Variants in DNAJC16 observed in about 807,000 individuals in gnomAD.
DNAJC16 encodes dnaJ homolog subfamily C member 16.
In DNAJC16, 76 loss-of-function variants were observed where a neutral mutation model predicts 92.7. The ratio of observed to expected loss-of-function variants is 0.82; its 90% CI spans 0.68 to 0.99. The LOEUF (loss-of-function observed/expected upper bound fraction) is 0.99, where lower values mean the gene tolerates loss of function less well. DNAJC16 is among the 50% of genes least tolerant of loss of function. The pLI, the probability that DNAJC16 is intolerant of heterozygous loss-of-function variation, is 0.00. For synonymous variants in DNAJC16, 328 were observed against 358.7 expected, an observed-to-expected ratio of 0.91 and a Z score of 0.97; for missense variants, 869 against 942.4, an observed-to-expected ratio of 0.92 and a Z score of 1.02.
intron 14 of DNAJC16, 44 bp from the exon 15 acceptor site, chr1:15,567,734 G>A (rs1237854265): frequency 1.9e-6 from 3 of 1,556,830 alleles, no homozygotes; most frequent in Admixed American, 3.9e-5. Flanking sequence ...GCAATTAAAT[G>A]TGTCAGGAAA....
intron 5 of DNAJC16, among the ~76,000 whole-genome samples, chr1:15,546,122 T>C (rs59502343): frequency 0.28 from 42,142 of 151,850 alleles, 6,717 homozygotes; most frequent in African/African-American, 0.43. Flanking sequence ...CTGGGCAACA[T>C]ACTGAGACCC....
chr1:15,529,545 A>C (rs1470527543), intron 2 of DNAJC16, among the ~76,000 whole-genome samples: 4 of 152,216 alleles, frequency 2.6e-5, no homozygotes, highest in African/African-American at 9.7e-5. Flanking sequence ...TTAAAGTAAC[A>C]AGTTTTAATT....
At position 15,548,544 on chromosome 1, in the gene DNAJC16, C is replaced by T. The variant is rs543803888; in HGVS notation, c.1023+116C>T. The T allele has an allele frequency of 4.8e-5, 49 of 1,023,180 alleles. No individual in the cohort carries two copies. The African/African-American group carries it at 5.7e-4, about 12-fold the overall frequency. The allele number at this position is 1,023,180 out of a possible 1,614,324, so 63.4% of individuals were successfully genotyped here. ...AGGAAAGGATCTTCCTTCAGATGCACAAAATTTTTTAATGAATTTTTTTAT... is the reference window on the plus strand; with the variant it reads ...AGGAAAGGATCTTCCTTCAGATGCATAAAATTTTTTAATGAATTTTTTTAT... On this transcript the variant is annotated intron_variant, in intron 7 of 14. Transcript: ENST00000375847.
rs568602677 is a variant in DNAJC16 at position 15,533,636 on chromosome 1, C to CA, written c.168-594dup. Among the ~76,000 whole-genome samples, 92 of 147,954 alleles carry CA rather than the reference C, an allele frequency of 6.2e-4. 1 individual carries two copies. Among genetic ancestry groups the CA allele is most frequent in the East Asian group, 5.4e-3 (28 of 5,152 alleles). ...GAGTGAGACCCTGTCTCAAAAAAAACAAAAAAACAAAAAAAACAGTGGCCT... is the reference window on the plus strand; with the variant it reads ...GAGTGAGACCCTGTCTCAAAAAAAACAAAAAAAACAAAAAAAACAGTGGCCT... On this transcript the variant is annotated intron_variant, in intron 2 of 14. Coordinates refer to ENST00000375847, the MANE Select transcript of DNAJC16 (RefSeq NM_015291.4).
chr1:15,545,216 G>A lies in DNAJC16; in HGVS notation c.759+633G>A, dbSNP rs982068182. Among the ~76,000 whole-genome samples, 10 of 151,858 alleles carry A rather than the reference G, an allele frequency of 6.6e-5. No homozygotes were observed. In the East Asian group the frequency reaches 1.7e-3, roughly 26 times the overall value. The stretch of plus-strand genomic sequence containing the variant: ...TTTAGGGATCAAAGTAACTAGGAAC[G>A]GACTCTCATTTTGCTTTAAATAATT... On this transcript the variant is annotated intron_variant, in intron 5 of 14. Transcript: ENST00000375847.
At chr1:15,544,725 T>G (rs1191683535) in intron 5 of DNAJC16, 142 bp downstream of exon 5, 5 of 766,360 alleles carry the variant, frequency 6.5e-6, no homozygotes, top group Non-Finnish European at 1.0e-5. Flanking sequence ...ATTAATTAAT[T>G]ACTCAAACTA....
At chr1:15,562,446 A>G in intron 9 of DNAJC16, 121 bp downstream of exon 9, 1 of 1,056,328 alleles carries the variant, frequency 9.5e-7, no homozygotes, top group Non-Finnish European at 1.3e-6. Context: ...TCTGAAGCCT[A>G]TTTTCAAAGT....
At chr1:15,567,436 CTT>C (rs929924109) in intron 14 of DNAJC16, among the ~76,000 whole-genome samples, 167 bp downstream of exon 14, 2 of 152,188 alleles carry the variant, frequency 1.3e-5, no homozygotes, top group Admixed American at 6.5e-5. Flanking sequence ...ACAGGGACCT[CTT>C]TTCCCACTTC....
At chr1:15,531,519 C>A (rs1026346342) in intron 2 of DNAJC16, among the ~76,000 whole-genome samples, 1 of 152,136 alleles carries the variant, frequency 6.6e-6, no homozygotes, top group Non-Finnish European at 1.5e-5. Context: ...CATAAGGTAA[C>A]AACATTCTTT....
Position 15,568,923 on chromosome 1 carries a change from A to G in DNAJC16, c.*746A>G. On this transcript the variant is annotated 3_prime_UTR_variant, in exon 15 of 15. Coordinates refer to ENST00000375847, the MANE Select transcript of DNAJC16 (RefSeq NM_015291.4). ...CCCCAGCGCTGCTGGTAGCCAGGGG[A>G]GGGGTCTGCACAGCGAGAAGTACTG... 1 of 386,424 alleles carries G rather than the reference A, an allele frequency of 2.6e-6. No individual in the cohort carries two copies. Among genetic ancestry groups the G allele is most frequent in the East Asian group, 3.7e-5 (1 of 27,258 alleles). The allele number at this position is 386,424 out of a possible 1,614,324, so 23.9% of individuals were successfully genotyped here. A position where few individuals can be genotyped will look rare whatever the true frequency, so the allele number is the denominator to read the frequency against.
intron 4 of DNAJC16, among the ~76,000 whole-genome samples, chr1:15,541,566 C>G (rs1349190125): frequency 6.6e-6 from 1 of 152,164 alleles, no homozygotes; most frequent in Non-Finnish European, 1.5e-5. Context: ...AGTCAGGTAG[C>G]CTACAGAGAG....
At chr1:15,562,048 T>G in intron 8 of DNAJC16, 94 bp from the exon 9 acceptor site, 15 of 1,300,686 alleles carry the variant, frequency 1.2e-5, no homozygotes, top group Non-Finnish European at 1.5e-5. Flanking sequence ...TTCCATAAGA[T>G]GAGCTCCTCG....
At position 15,544,151 on chromosome 1, in the gene DNAJC16, TACACACACACAC is replaced by T. The variant is rs148744006; in HGVS notation, c.575-224_575-213del. Among the ~76,000 whole-genome samples the T allele has an allele frequency of 1.6e-4, 22 of 137,284 alleles. No homozygotes were observed. In the South Asian group the frequency reaches 3.8e-3, roughly 24 times the overall value. 90.1% of individuals were successfully genotyped at this position (137,284 alleles called of 152,430 possible). A position where few individuals can be genotyped will look rare whatever the true frequency, so the allele number is the denominator to read the frequency against. On this transcript the variant is annotated intron_variant, in intron 4 of 14. Transcript: ENST00000375847. Reference sequence around the variant, plus strand: ...CCCCATTTTGTTTTATGTATATGCATACACACACACACACACACACACACACACACACACATT... The same window carrying T: ...CCCCATTTTGTTTTATGTATATGCATACACACACACACACACACACACATT...
At position 15,567,387 on chromosome 1, in the gene DNAJC16, G is replaced by A. The variant is rs948161574; in HGVS notation, c.1949+118G>A. 4 of 1,061,294 alleles carry A rather than the reference G, an allele frequency of 3.8e-6. No individual in the cohort carries two copies. The Admixed American group carries it at 9.6e-5, about 25-fold the overall frequency. The allele number at this position is 1,061,294 out of a possible 1,614,324, so 65.7% of individuals were successfully genotyped here. ...GGCTTCATCCATACAGCAAGATGCTGGCTGTGACCTTTCCAATCCAGACAT... is the reference window on the plus strand; with the variant it reads ...GGCTTCATCCATACAGCAAGATGCTAGCTGTGACCTTTCCAATCCAGACAT... On this transcript the variant is annotated intron_variant, in intron 14 of 14. Transcript: ENST00000375847.
chr1:15,548,209 G>T lies in DNAJC16; in HGVS notation c.865-61G>T. ...TCAGTGATGTGAAAAAGCCCTACTT[G>T]ATTTGTCATTTACATCTTTGCTGTA... is the stretch of plus-strand genomic sequence containing the variant. On this transcript the variant is annotated intron_variant, in intron 6 of 14. Coordinates refer to ENST00000375847, the MANE Select transcript of DNAJC16 (RefSeq NM_015291.4). 1.9e-6 allele frequency: 3 copies of T among 1,564,316 alleles called. No individual in the cohort carries two copies. In the South Asian group the frequency reaches 3.5e-5, roughly 18 times the overall value.
rs137976827 is a variant in DNAJC16, at chr1:15,571,711, T to G, written c.*3534T>G. 6.6e-6 allele frequency: 1 copy of G among 152,574 alleles called. No individual in the cohort carries two copies. The highest frequency in any genetic ancestry group is 1.5e-5 in the Non-Finnish European group (1 of 68,026). 9.5% of individuals were successfully genotyped at this position (152,574 alleles called of 1,614,324 possible). A position where few individuals can be genotyped will look rare whatever the true frequency, so the allele number is the denominator to read the frequency against. On this transcript the variant is annotated 3_prime_UTR_variant, in exon 15 of 15. Transcript: ENST00000375847. ...TAAGATTACAGAATGGAAAAAGAAA[T>G]AAACTATTTTAATGTCTGATAATTA... is the stretch of plus-strand genomic sequence containing the variant.
At chr1:15,548,222 C>T (rs1638358068) in intron 6 of DNAJC16, 48 bp from the exon 7 acceptor site, 1 of 1,591,884 alleles carries the variant, frequency 6.3e-7, no homozygotes, top group Non-Finnish European at 8.6e-7. Flanking sequence ...TTGTCATTTA[C>T]ATCTTTGCTG....
Position 15,548,115 on chromosome 1 carries a change from A to G in DNAJC16, c.865-155A>G, listed in dbSNP as rs116582836. ...GTACAGTTTTTGCACATGGAACACCATAGAATGGAAGTATACAAGGATACG... is the reference window on the plus strand; with the variant it reads ...GTACAGTTTTTGCACATGGAACACCGTAGAATGGAAGTATACAAGGATACG... On this transcript the variant is annotated intron_variant, in intron 6 of 14. Coordinates refer to ENST00000375847, the MANE Select transcript of DNAJC16 (RefSeq NM_015291.4). 3.2e-3 allele frequency among the ~76,000 whole-genome samples: 484 copies of G among 152,328 alleles called. 1 individual carries two copies. Among genetic ancestry groups the G allele is most frequent in the African/African-American group, 0.011 (469 of 41,566 alleles).
In DNAJC16 at chr1:15,571,492, CTG is replaced by C. The variant is rs1243794038; in HGVS notation, c.*3317_*3318del. On this transcript the variant is annotated 3_prime_UTR_variant, in exon 15 of 15. Transcript: ENST00000375847. ...AAGTGCAGTGTGGCAGCTGCTGAAT[CTG>C]TCTGTTCAGTTTGTCAAGGAGGATA... 1 of 152,616 alleles carries C rather than the reference CTG, an allele frequency of 6.6e-6. No individual in the cohort carries two copies. The highest frequency in any genetic ancestry group is 1.5e-5 in the Non-Finnish European group (1 of 68,032). 9.5% of individuals were successfully genotyped at this position (152,616 alleles called of 1,614,324 possible).
Sources: gnomAD v4.1 joint callset for allele counts (sites outside exome capture counted in the v4.1 genomes callset) on GRCh38, gnomAD v4.1.1 for gene constraint, MANE v1.5 for transcripts, NCBI Gene and HGNC (gene_info 2026-07-23, HGNC 2026-07-21) for gene names.